SCN2A: variants seen among roughly 807,000 people sequenced by gnomAD.
SCN2A encodes the protein sodium voltage-gated channel alpha subunit 2.
In SCN2A, 20 loss-of-function variants were observed where a neutral mutation model predicts 188.7. That is an observed-to-expected ratio of 0.11 (90% CI 0.07 to 0.15). The LOEUF is 0.15. SCN2A is among the 10% of genes least tolerant of loss of function. The pLI, the probability that SCN2A is intolerant of heterozygous loss-of-function variation, is 1.00. For missense variants in SCN2A, 1,278 were observed against 2,445.0 expected (o/e 0.52, Z 10.07); for synonymous variants, 804 against 833.1 (o/e 0.97, Z 0.60).
chr2:165,385,040 C>A (rs2105394389), intron 25 of SCN2A, among the ~76,000 whole-genome samples: 1 of 152,178 alleles, frequency 6.6e-6, no homozygotes, highest in Non-Finnish European at 1.5e-5. Context: ...GAAGACAGAT[C>A]CAGCTGGAGT....
At chr2:165,298,599 G>A (rs1422462181) in intron 3 of SCN2A, among the ~76,000 whole-genome samples, 3 of 152,110 alleles carry the variant, frequency 2.0e-5, no homozygotes, top group Non-Finnish European at 4.4e-5. Flanking sequence ...TTCCAAATAA[G>A]AGAACCCAGT....
chr2:165,380,358 AT>A (rs1481529861), intron 23 of SCN2A, among the ~76,000 whole-genome samples: 2 of 127,398 alleles, frequency 1.6e-5, no homozygotes, highest in East Asian at 5.6e-4. Flanking sequence ...GTTGGGTGAA[AT>A]TGTCTATAAT....
At chr2:165,273,908 T>C (rs545415420) in intron 1 of SCN2A, 2 of 152,242 alleles carry the variant, frequency 1.3e-5, no homozygotes, top group African/African-American at 4.8e-5. Context: ...TTTTGCCCTT[T>C]TATCTTCTCC....
Position 165,391,912 on chromosome 2 carries a change from T to C in SCN2A, c.*2088T>C, listed in dbSNP as rs772182519. The C allele has an allele frequency of 4.6e-5, 7 of 152,538 alleles. No individual in the cohort carries two copies. Among genetic ancestry groups the C allele is most frequent in the Non-Finnish European group, 1.0e-4 (7 of 67,972 alleles). 9.4% of individuals were successfully genotyped at this position (152,538 alleles called of 1,614,324 possible). On this transcript the variant is annotated 3_prime_UTR_variant, in exon 27 of 27. Coordinates refer to ENST00000375437, the MANE Select transcript of SCN2A (RefSeq NM_001040142.2). ...TTTGTGTTTCACAAGCAACAATAAA[T>C]GTAGATTCTTTATACTGAAGCTATT...
chr2:165,352,141 A>G (rs1344169113), intron 16 of SCN2A, among the ~76,000 whole-genome samples: 1 of 152,100 alleles, frequency 6.6e-6, no homozygotes, highest in Non-Finnish European at 1.5e-5. Flanking sequence ...TAGCACCAAA[A>G]TAGATAAAAT....
intron 1 of SCN2A, among the ~76,000 whole-genome samples, chr2:165,263,999 C>T (rs1456960226): frequency 1.3e-5 from 2 of 151,698 alleles, no homozygotes; most frequent in Non-Finnish European, 2.9e-5. Flanking sequence ...AACTTTGTAT[C>T]AAAACTTTGC....
In SCN2A at chr2:165,309,720, G is replaced by A. The variant is rs181039568; in HGVS notation, c.697+277G>A. On this transcript the variant is annotated intron_variant, in intron 6 of 26. Coordinates refer to ENST00000375437, the MANE Select transcript of SCN2A (RefSeq NM_001040142.2). ...TGCATCCTATAACATCAAGCTTTCC[G>A]CATAGAAGCTAGACTAAGAGACATT... 1.4e-4 allele frequency among the ~76,000 whole-genome samples: 22 copies of A among 152,212 alleles called. No homozygotes were observed. The South Asian group carries it at 2.7e-3, about 19-fold the overall frequency.
chr2:165,243,244 C>T (rs1370063940), intron 1 of SCN2A, among the ~76,000 whole-genome samples: 1 of 152,070 alleles, frequency 6.6e-6, no homozygotes, highest in Non-Finnish European at 1.5e-5. Context: ...ATTAATTATT[C>T]AAGTTCTTTC....
intron 11 of SCN2A, among the ~76,000 whole-genome samples, chr2:165,316,949 A>C (rs1219248093): frequency 1.3e-5 from 2 of 152,088 alleles, no homozygotes; most frequent in Non-Finnish European, 2.9e-5. Context: ...GGTACTGAAA[A>C]CCTTAAAGTT....
intron 1 of SCN2A, chr2:165,241,212 C>A (rs368866731): frequency 6.6e-6 from 1 of 151,968 alleles, no homozygotes; most frequent in African/African-American, 2.4e-5. Context: ...TTTCAGTATA[C>A]TGTTGCTCAA....
At chr2:165,276,553 G>A (rs1449914397) in intron 1 of SCN2A, among the ~76,000 whole-genome samples, 1 of 152,152 alleles carries the variant, frequency 6.6e-6, no homozygotes, top group East Asian at 1.9e-4. Flanking sequence ...CTTCATTGTA[G>A]TCCAAGAAAA....
At chr2:165,306,118 G>A (rs532351334) in intron 3 of SCN2A, among the ~76,000 whole-genome samples, 21 of 152,280 alleles carry the variant, frequency 1.4e-4, no homozygotes, top group Admixed American at 1.2e-3. Context: ...TTGGGGGTGG[G>A]AAGTGGAGGC....
chr2:165,336,762 T>C (rs1270422673), intron 14 of SCN2A, among the ~76,000 whole-genome samples: 4 of 152,038 alleles, frequency 2.6e-5, no homozygotes, highest in Non-Finnish European at 5.9e-5. Context: ...CAATCACCTA[T>C]TGATGGATGT....
chr2:165,296,925 C>A, intron 2 of SCN2A, 92 bp from the exon 3 acceptor site: 1 of 722,634 alleles, frequency 1.4e-6, no homozygotes. Flanking sequence ...TTTTACAGGG[C>A]AATATTTATA....
intron 1 of SCN2A, chr2:165,267,028 T>C (rs1193412862): frequency 6.6e-6 from 1 of 151,974 alleles, no homozygotes; most frequent in African/African-American, 2.4e-5. Flanking sequence ...AAGAAAGATA[T>C]CCCGTGTTAA....
intron 1 of SCN2A, among the ~76,000 whole-genome samples, chr2:165,287,719 G>C (rs545722047): frequency 6.6e-6 from 1 of 152,038 alleles, no homozygotes; most frequent in African/African-American, 2.4e-5. Context: ...TTGCCCACTG[G>C]GGACACCTCT....
At chr2:165,336,476 G>A (rs998310935) in intron 14 of SCN2A, among the ~76,000 whole-genome samples, 5 of 151,868 alleles carry the variant, frequency 3.3e-5, no homozygotes, top group Non-Finnish European at 5.9e-5. Context: ...AACAAAGCCA[G>A]TCACAAAATT....
intron 16 of SCN2A, among the ~76,000 whole-genome samples, chr2:165,345,593 T>C (rs978294363): frequency 9.9e-5 from 15 of 152,116 alleles, no homozygotes; most frequent in Non-Finnish European, 2.9e-5. Flanking sequence ...CCATCCGTTT[T>C]TTTTGTGCCT....
intron 18 of SCN2A, among the ~76,000 whole-genome samples, chr2:165,365,964 C>A (rs562843649): frequency 2.0e-4 from 31 of 152,156 alleles, no homozygotes; most frequent in Non-Finnish European, 4.1e-4. Context: ...AAACCCTGGG[C>A]TCTAAGCTGC....
Sources: allele counts gnomAD v4.1 joint callset (sites outside exome capture counted in the v4.1 genomes callset), GRCh38; gene constraint gnomAD v4.1.1; transcripts MANE v1.5; gene names NCBI Gene and HGNC (gene_info 2026-07-23, HGNC 2026-07-21).